Variants in ADRA1B observed in about 807,000 individuals in gnomAD.
ADRA1B encodes the protein alpha-1B adrenergic receptor.
In ADRA1B, 17 loss-of-function variants were observed where a neutral mutation model predicts 17.9. The ratio of observed to expected loss-of-function variants is 0.95; its 90% CI spans 0.65 to 1.42. The LOEUF (loss-of-function observed/expected upper bound fraction) is 1.42. ADRA1B is among the 40% of genes most tolerant of loss of function. ADRA1B has a pLI of 0.00. For synonymous variants in ADRA1B, 366 were observed against 327.6 expected (o/e 1.12, Z -1.27); for missense variants, 681 against 722.1 (o/e 0.94, Z 0.65).
At chr5:159,922,101 A>G (rs144278785) in intron 1 of ADRA1B, among the ~76,000 whole-genome samples, 211 of 152,318 alleles carry the variant, frequency 1.4e-3, no homozygotes, top group African/African-American at 5.0e-3. Context: ...ACTGTACCAG[A>G]CACTGGGTTA....
chr5:159,955,183 C>T (rs892097796), intron 1 of ADRA1B: 15 of 985,250 alleles, frequency 1.5e-5, no homozygotes, highest in Middle Eastern at 5.2e-4. Flanking sequence ...GGTGTACCAG[C>T]GTCATTCACT....
chr5:159,922,938 G>T (rs1449819262), intron 1 of ADRA1B, among the ~76,000 whole-genome samples: 1 of 152,276 alleles, frequency 6.6e-6, no homozygotes, highest in Non-Finnish European at 1.5e-5. Flanking sequence ...GAAAAGGAGT[G>T]TGATGCTGCT....
At chr5:159,968,594 G>A (rs1381325857) in intron 1 of ADRA1B, among the ~76,000 whole-genome samples, 1 of 152,172 alleles carries the variant, frequency 6.6e-6, no homozygotes, top group Non-Finnish European at 1.5e-5. Context: ...AAAGTGCTGG[G>A]ATTACAGGAT....
At chr5:159,871,759 A>G (rs1386870960) in intron 1 of ADRA1B, among the ~76,000 whole-genome samples, 2 of 152,198 alleles carry the variant, frequency 1.3e-5, no homozygotes, top group Non-Finnish European at 2.9e-5. Context: ...AACCCAATAC[A>G]AAGTCTAAGA....
At chr5:159,936,610 CAA>C (rs1419651892) in intron 1 of ADRA1B, among the ~76,000 whole-genome samples, 1 of 151,770 alleles carries the variant, frequency 6.6e-6, no homozygotes, top group Non-Finnish European at 1.5e-5. Flanking sequence ...CCGTGAAAAA[CAA>C]ATTGTATCAG....
At chr5:159,923,945 T>TAGAGTTC (rs1306873628) in intron 1 of ADRA1B, among the ~76,000 whole-genome samples, 20 of 152,250 alleles carry the variant, frequency 1.3e-4, no homozygotes, top group Non-Finnish European at 2.6e-4. Context: ...GTGAGGGAAC[T>TAGAGTTC]AGAGTTCAGA....
chr5:159,979,369 T>G, the ADRA1B span, among the ~76,000 whole-genome samples: 2 of 152,200 alleles, frequency 1.3e-5, no homozygotes, highest in Non-Finnish European at 2.9e-5. Context: ...AATACCTATC[T>G]TAAAAGGTTG....
chr5:159,971,860 A>G lies in ADRA1B; in HGVS notation c.950-19A>G. 1 of 317,194 alleles carries G rather than the reference A, an allele frequency of 3.2e-6. No homozygotes were observed. The highest frequency in any genetic ancestry group is 5.4e-6 in the Non-Finnish European group (1 of 185,628). The allele number at this position is 317,194 out of a possible 1,614,324, so 19.6% of individuals were successfully genotyped here. A position where few individuals can be genotyped will look rare whatever the true frequency, so the allele number is the denominator to read the frequency against. On this transcript the variant is annotated intron_variant, in intron 1 of 1. Coordinates refer to ENST00000306675, the MANE Select transcript of ADRA1B (RefSeq NM_000679.4). Reference sequence around the variant, plus strand: ...AATTGCTGTCTTTCTGCCCGTGCCCACCCCCCTCCCCACTGCAGGCTCCTT... The same window carrying G: ...AATTGCTGTCTTTCTGCCCGTGCCCGCCCCCCTCCCCACTGCAGGCTCCTT...
upstream of ADRA1B, among the ~76,000 whole-genome samples, chr5:159,912,446 T>C (rs1247025062): frequency 6.6e-6 from 1 of 152,210 alleles, no homozygotes; most frequent in Non-Finnish European, 1.5e-5. Context: ...CAAGGAAGAC[T>C]AACCTAAGGT....
intron 1 of ADRA1B, among the ~76,000 whole-genome samples, chr5:159,898,685 G>A (rs761624195): frequency 5.9e-5 from 9 of 152,114 alleles, no homozygotes; most frequent in Non-Finnish European, 1.0e-4. Flanking sequence ...TACCATGGCC[G>A]TATTGATTGT....
chr5:159,973,051 C>T (rs1755917701), downstream of ADRA1B, among the ~76,000 whole-genome samples: 1 of 152,216 alleles, frequency 6.6e-6, no homozygotes, highest in Non-Finnish European at 1.5e-5. Flanking sequence ...CAGGCAGAGC[C>T]TTGCGTTTCC....
chr5:159,900,774 C>T (rs150532931), intron 1 of ADRA1B, among the ~76,000 whole-genome samples: 1 of 152,228 alleles, frequency 6.6e-6, no homozygotes, highest in Non-Finnish European at 1.5e-5. Flanking sequence ...CAGAGCAGTG[C>T]AAGACAGGCC....
intron 1 of ADRA1B, among the ~76,000 whole-genome samples, chr5:159,963,013 C>T (rs1755707020): frequency 7.0e-6 from 1 of 141,990 alleles, no homozygotes; most frequent in Non-Finnish European, 1.5e-5. Flanking sequence ...GATCCTCCTG[C>T]TTCAGCCTTC....
At chr5:159,898,913 G>A (rs1047198300) in intron 1 of ADRA1B, among the ~76,000 whole-genome samples, 1 of 152,154 alleles carries the variant, frequency 6.6e-6, no homozygotes. Context: ...AGAGGCAGAG[G>A]CAGGAGGATA....
At chr5:159,984,920 A>G in the ADRA1B span, among the ~76,000 whole-genome samples, 3 of 150,784 alleles carry the variant, frequency 2.0e-5, no homozygotes, top group African/African-American at 4.9e-5. Context: ...AAAAAAAAAG[A>G]AAAGAAAAGT....
upstream of ADRA1B, chr5:159,916,285 TC>T: frequency 6.6e-6 from 1 of 152,074 alleles, no homozygotes; most frequent in East Asian, 1.9e-4. Flanking sequence ...CACGCCCAGG[TC>T]CCGCCCTCGC....
rs377516133 is a variant in ADRA1B at position 159,917,128 on chromosome 5, C to T, written c.223C>T (p.His75Tyr). Residue 75 changes from histidine (H) to tyrosine (Y), a missense_variant, in exon 1 of 2, where the codon CAC becomes TAC. By Grantham distance (83) the His-to-Tyr change is moderately conservative (BLOSUM62 2). Around this residue, in one of 3 missense-constraint regions of ADRA1B, gnomAD observed 424 missense variants for 480.2 expected, o/e 0.88. Coordinates refer to ENST00000306675, the MANE Select transcript of ADRA1B (RefSeq NM_000679.4). Reference sequence around the variant, plus strand: ...CATCTTGTCTGTGGCCTGCAACCGGCACCTGCGGACGCCCACCAACTACTT... The same window carrying T: ...CATCTTGTCTGTGGCCTGCAACCGGTACCTGCGGACGCCCACCAACTACTT... ...LVILSVACNR[H>Y]LRTPTNYFIV... is the part of the protein sequence containing the mutation. 4 of 1,614,142 alleles carry T rather than the reference C, an allele frequency of 2.5e-6. No homozygotes were observed. The highest frequency in any genetic ancestry group is 3.4e-6 in the Non-Finnish European group (4 of 1,180,020).
At chr5:159,981,462 T>C in the ADRA1B span, among the ~76,000 whole-genome samples, 26 of 152,306 alleles carry the variant, frequency 1.7e-4, no homozygotes, top group South Asian at 4.6e-3. Context: ...TGTACTCTAA[T>C]AGTTCCCATT....
intron 1 of ADRA1B, among the ~76,000 whole-genome samples, chr5:159,967,646 T>C (rs1011418653): frequency 6.6e-5 from 10 of 152,220 alleles, no homozygotes; most frequent in Admixed American, 3.9e-4. Flanking sequence ...AATACGGGTC[T>C]GTGTCATCCC....
Sources: gnomAD v4.1 joint callset for allele counts (sites outside exome capture counted in the v4.1 genomes callset) on GRCh38, gnomAD v4.1.1 for gene constraint, gnomAD v4.1.1 regional missense constraint, MANE v1.5 for transcripts, NCBI Gene and HGNC (gene_info 2026-07-23, HGNC 2026-07-21) for gene names.